The following POLD3 variants were observed in gnomAD, a reference collection of about 807,000 sequenced individuals.
POLD3 encodes the protein DNA polymerase delta subunit 3.
Under a neutral mutation model 58.2 loss-of-function variants are expected in POLD3, and 19 were observed. The observed-to-expected ratio is 0.33, with a 90% CI of 0.23 to 0.48. POLD3 has a LOEUF of 0.48. Among genes scored for constraint, POLD3 ranks in the 20% least tolerant of loss-of-function variants. The pLI is 0.99. For missense variants in POLD3, 504 were observed against 545.5 expected (o/e 0.92, Z 0.76); for synonymous variants, 172 against 193.5 (o/e 0.89, Z 0.92).
intron 3 of POLD3, among the ~76,000 whole-genome samples, chr11:74,607,673 T>A (rs761482889): frequency 2.6e-4 from 39 of 151,408 alleles, no homozygotes; most frequent in Non-Finnish European, 5.5e-4. Context: ...CCTCAATCTC[T>A]TGGGTTTAAG....
downstream of POLD3, among the ~76,000 whole-genome samples, chr11:74,647,644 G>C (rs987045191): frequency 1.3e-5 from 2 of 152,186 alleles, no homozygotes; most frequent in South Asian, 4.1e-4. Flanking sequence ...AACAACTATG[G>C]TGGCTACTGT....
At chr11:74,657,375 C>T (rs4944056) in intron 4 of POLD3, among the ~76,000 whole-genome samples, 124,220 of 151,796 alleles carry the variant, frequency 0.82, 50,988 homozygotes, top group Middle Eastern at 0.94. Context: ...TGAAGGTAAT[C>T]TTCTCTGGTG....
chr11:74,647,997 G>A (rs189076681), downstream of POLD3, among the ~76,000 whole-genome samples: 295 of 152,236 alleles, frequency 1.9e-3, 3 homozygotes, highest in African/African-American at 6.9e-3. Flanking sequence ...AGGAAGGCTC[G>A]GAGAGTTTAA....
chr11:74,646,041 C>T (rs1226290592), downstream of POLD3, among the ~76,000 whole-genome samples: 3 of 151,938 alleles, frequency 2.0e-5, no homozygotes, highest in South Asian at 2.1e-4. Context: ...TAGGTTCAAG[C>T]GATTCTCTGC....
intron 4 of POLD3, among the ~76,000 whole-genome samples, chr11:74,665,246 C>T (rs1319272941): frequency 1.3e-5 from 2 of 150,324 alleles, no homozygotes; most frequent in African/African-American, 4.9e-5. Flanking sequence ...ATCACTTGAA[C>T]CCAGGAAGCG....
At chr11:74,631,186 T>C (rs1427680388) in intron 9 of POLD3, among the ~76,000 whole-genome samples, 3 of 152,244 alleles carry the variant, frequency 2.0e-5, no homozygotes, top group Admixed American at 6.5e-5. Flanking sequence ...ACTGAATATG[T>C]CATATTAGTT....
At chr11:74,665,935 T>G (rs532586800) in intron 4 of POLD3, among the ~76,000 whole-genome samples, 1 of 152,268 alleles carries the variant, frequency 6.6e-6, no homozygotes, top group South Asian at 2.1e-4. Context: ...CAAAACGGAT[T>G]CATTTTAGAA....
At chr11:74,599,530 A>AC (rs2031407454) in intron 2 of POLD3, among the ~76,000 whole-genome samples, 1 of 151,136 alleles carries the variant, frequency 6.6e-6, no homozygotes, top group Non-Finnish European at 1.5e-5. Flanking sequence ...CGCCTGGCTA[A>AC]TTTTTGTATT....
At chr11:74,662,486 G>A (rs933764754) in intron 4 of POLD3, among the ~76,000 whole-genome samples, 1 of 152,054 alleles carries the variant, frequency 6.6e-6, no homozygotes, top group Non-Finnish European at 1.5e-5. Context: ...TGGGAGCTAG[G>A]GCCTGGAACG....
intron 10 of POLD3, among the ~76,000 whole-genome samples, chr11:74,635,392 T>C (rs1249715762): frequency 6.6e-6 from 1 of 152,172 alleles, no homozygotes; most frequent in Non-Finnish European, 1.5e-5. Flanking sequence ...AGCTATAATG[T>C]TGAAGTGTCA....
chr11:74,639,460 C>T (rs977114575), intron 11 of POLD3, among the ~76,000 whole-genome samples: 4 of 152,184 alleles, frequency 2.6e-5, no homozygotes, highest in Non-Finnish European at 5.9e-5. Context: ...ATTTATTATG[C>T]ATATTAGGTT....
At chr11:74,614,182 G>A (rs954517980) in intron 5 of POLD3, among the ~76,000 whole-genome samples, 5 of 152,206 alleles carry the variant, frequency 3.3e-5, no homozygotes, top group Admixed American at 1.3e-4. Flanking sequence ...TTCTGAGAGC[G>A]CTGGGGAGCC....
At position 74,642,609 on chromosome 11, in the gene POLD3, C is replaced by T. The variant is rs1382030667; in HGVS notation, c.*1843C>T. The T allele has an allele frequency of 2.0e-6, 2 of 984,724 alleles. No individual in the cohort carries two copies. The highest frequency in any genetic ancestry group is 3.5e-5 in the African/African-American group (2 of 57,142). The allele number at this position is 984,724 out of a possible 1,614,324, so 61.0% of individuals were successfully genotyped here. On this transcript the variant is annotated 3_prime_UTR_variant, in exon 12 of 12. Coordinates refer to ENST00000263681, the MANE Select transcript of POLD3 (RefSeq NM_006591.3). Reference sequence around the variant, plus strand: ...ATGATCTCTATGCCCAATATGCTGCCTCAACTCTGAGCTGTCTGCAAGGCT... The same window carrying T: ...ATGATCTCTATGCCCAATATGCTGCTTCAACTCTGAGCTGTCTGCAAGGCT...
chr11:74,646,911 A>G (rs1419950510), downstream of POLD3, among the ~76,000 whole-genome samples: 2 of 152,190 alleles, frequency 1.3e-5, no homozygotes, highest in East Asian at 1.9e-4. Context: ...GTGGTCCCCA[A>G]CCTTTTTGGC....
intron 5 of POLD3, among the ~76,000 whole-genome samples, chr11:74,618,096 A>ATATT (rs35673894): frequency 0.4 from 60,072 of 151,912 alleles, 12,889 homozygotes; most frequent in African/African-American, 0.56. Context: ...GATTCAGTCA[A>ATATT]TATTGCAAAT....
intron 3 of POLD3, among the ~76,000 whole-genome samples, chr11:74,607,505 A>G (rs1189784681): frequency 1.3e-5 from 2 of 150,572 alleles, no homozygotes; most frequent in Non-Finnish European, 2.9e-5. Context: ...TGACCTTGTG[A>G]TCCACCCACC....
rs2032897722 is a variant in POLD3 at position 74,640,941 on chromosome 11, C to T, written c.*175C>T. 1.1e-5 allele frequency: 14 copies of T among 1,261,464 alleles called. No individual in the cohort carries two copies. Among genetic ancestry groups the T allele is most frequent in the Non-Finnish European group, 1.4e-5 (14 of 1,004,944 alleles). 78.1% of individuals were successfully genotyped at this position (1,261,464 alleles called of 1,614,324 possible). ...TGGTTTTTAACCAAAAGGAAATCAT[C>T]TGGAAGCAGGAGGCAAAAAGCTGTT... On this transcript the variant is annotated 3_prime_UTR_variant, in exon 12 of 12. Coordinates refer to ENST00000263681, the MANE Select transcript of POLD3 (RefSeq NM_006591.3).
chr11:74,623,171 C>T (rs1176815315), intron 7 of POLD3, among the ~76,000 whole-genome samples: 3 of 152,154 alleles, frequency 2.0e-5, no homozygotes, highest in South Asian at 2.1e-4. Flanking sequence ...TGGTGGTTCA[C>T]GCCTGTAATC....
chr11:74,644,673 C>G (rs567448032), downstream of POLD3, among the ~76,000 whole-genome samples: 2 of 152,344 alleles, frequency 1.3e-5, no homozygotes, highest in Non-Finnish European at 2.9e-5. Context: ...TCCACCTTAA[C>G]TCTACAATTC....
Sources: gnomAD v4.1 joint callset for allele counts (sites outside exome capture counted in the v4.1 genomes callset) on GRCh38, gnomAD v4.1.1 for gene constraint, MANE v1.5 for transcripts, NCBI Gene and HGNC (gene_info 2026-07-23, HGNC 2026-07-21) for gene names.